SIL1: variants seen among roughly 807,000 people sequenced by gnomAD.
SIL1 encodes SIL1 nucleotide exchange factor, also known as nucleotide exchange factor SIL1.
Under a neutral mutation model 49.1 loss-of-function variants are expected in SIL1, and 40 were observed. The ratio of observed to expected loss-of-function variants is 0.81; its 90% confidence interval spans 0.63 to 1.06. The LOEUF is 1.06. SIL1 is among the 50% of genes least tolerant of loss of function. The pLI is 0.00. For synonymous variants in SIL1, 253 were observed against 250.8 expected, an observed-to-expected ratio of 1.01 and a Z score of -0.08; for missense variants, 500 against 572.6, an observed-to-expected ratio of 0.87 and a Z score of 1.29.
intron 1 of SIL1, 186 bp from the exon 2 acceptor site, chr5:139,128,039 A>G: frequency 4.8e-6 from 3 of 625,154 alleles, no homozygotes; most frequent in South Asian, 4.5e-5. Context: ...CAGCCATCCA[A>G]CAAGAGATAT....
intron 7 of SIL1, among the ~76,000 whole-genome samples, chr5:138,975,676 T>G (rs544712284): frequency 9.5e-4 from 144 of 152,350 alleles, no homozygotes; most frequent in African/African-American, 3.1e-3. Flanking sequence ...ATTCTAAGGC[T>G]AGGCCACAAA....
chr5:139,156,110 C>T (rs1213691256), intron 1 of SIL1, among the ~76,000 whole-genome samples: 2 of 152,074 alleles, frequency 1.3e-5, no homozygotes, highest in African/African-American at 4.8e-5. Context: ...CAGAAGATGA[C>T]TAAATAATAG....
At position 139,021,067 on chromosome 5, in the gene SIL1, G is replaced by A. The variant is rs10077896; in HGVS notation, c.767+104C>T. The A allele has an allele frequency of 0.37, 555,681 of 1,498,714 alleles. 106,004 individuals are homozygous for A. The highest frequency in any genetic ancestry group is 0.56 in the African/African-American group (41,052 of 72,750). The allele number at this position is 1,498,714 out of a possible 1,614,324, so 92.8% of individuals were successfully genotyped here. A position where few individuals can be genotyped will look rare whatever the true frequency, so the allele number is the denominator to read the frequency against. ...AATTTTACTCTAGTTTCATTGAGAT[G>A]ACACTGAAATGTCAGTAGCAACAGG... On this transcript the variant is annotated intron_variant, in intron 7 of 9. Coordinates refer to ENST00000394817, the MANE Select transcript of SIL1 (RefSeq NM_022464.5).
intron 3 of SIL1, among the ~76,000 whole-genome samples, chr5:139,060,606 G>T (rs994399503): frequency 4.6e-5 from 7 of 151,630 alleles, no homozygotes; most frequent in African/African-American, 1.7e-4. Flanking sequence ...ATCTTCCCTA[G>T]GACATTTGAG....
Position 139,026,823 on chromosome 5 carries a change from T to G in SIL1, c.623A>C (p.Asp208Ala), listed in dbSNP as rs145709743. 90 of 1,613,936 alleles carry G rather than the reference T, an allele frequency of 5.6e-5. No homozygotes were observed. The highest frequency in any genetic ancestry group is 7.4e-5 in the Non-Finnish European group (87 of 1,179,966). The change falls in exon 6 of 10, where the codon GAT becomes GCT. Residue 208 changes from aspartate (D) to alanine (A), a missense_variant. Physicochemically the swap from Asp to Ala is moderately radical, Grantham distance 126. Coordinates refer to ENST00000394817, the MANE Select transcript of SIL1 (RefSeq NM_022464.5). ...SLEEKIAALF[D>A]LEYYVHQMDN... ...TACCTGATGGACATAATATTCAAGATCAAAGAGCGCAGCAATCTTCTCTTC... is the reference window on the plus strand; with the variant it reads ...TACCTGATGGACATAATATTCAAGAGCAAAGAGCGCAGCAATCTTCTCTTC...
chr5:139,184,678 AACT>A (rs1285596157), intron 1 of SIL1, among the ~76,000 whole-genome samples: 1 of 152,186 alleles, frequency 6.6e-6, no homozygotes, highest in Non-Finnish European at 1.5e-5. Flanking sequence ...TCTCTAAAAA[AACT>A]ACAACTAAAA....
chr5:139,109,188 A>G (rs7707010), intron 3 of SIL1, among the ~76,000 whole-genome samples: 13,114 of 152,230 alleles, frequency 0.086, 1,043 homozygotes, highest in African/African-American at 0.21. Context: ...ACTCCAAAGT[A>G]TCCTCAGCTA....
chr5:138,956,432 G>A (rs1766902691), intron 7 of SIL1, among the ~76,000 whole-genome samples: 2 of 152,226 alleles, frequency 1.3e-5, no homozygotes, highest in Non-Finnish European at 2.9e-5. Flanking sequence ...AGTGGGGCTA[G>A]GTAATCAATC....
chr5:139,082,318 A>G (rs763075356), intron 3 of SIL1, among the ~76,000 whole-genome samples: 35 of 152,172 alleles, frequency 2.3e-4, no homozygotes, highest in Non-Finnish European at 4.6e-4. Context: ...CCATTGCCCA[A>G]CACTGCCTCT....
At chr5:138,960,552 C>A (rs927334112) in intron 7 of SIL1, among the ~76,000 whole-genome samples, 1 of 151,912 alleles carries the variant, frequency 6.6e-6, no homozygotes, top group African/African-American at 2.4e-5. Context: ...CAGCCTACCA[C>A]GTAGCTGGGA....
chr5:139,135,169 A>T (rs1447036127), intron 1 of SIL1, among the ~76,000 whole-genome samples: 1 of 152,194 alleles, frequency 6.6e-6, no homozygotes, highest in Non-Finnish European at 1.5e-5. Flanking sequence ...TGAACAGCAA[A>T]ACAAATGTGG....
chr5:139,014,027 A>C (rs1768342230), intron 7 of SIL1: 1 of 152,242 alleles, frequency 6.6e-6, no homozygotes, highest in South Asian at 2.1e-4. Flanking sequence ...ACCAGTTCCC[A>C]TGCTCAAGAA....
Position 138,946,824 on chromosome 5 carries a change from A to G in SIL1, c.*293T>C, listed in dbSNP as rs1014635522. 6.2e-6 allele frequency: 3 copies of G among 484,142 alleles called. No homozygotes were observed. Among genetic ancestry groups the G allele is most frequent in the Non-Finnish European group, 1.1e-5 (3 of 263,020 alleles). The allele number at this position is 484,142 out of a possible 1,614,324, so 30.0% of individuals were successfully genotyped here. On this transcript the variant is annotated 3_prime_UTR_variant, in exon 10 of 10. Coordinates refer to ENST00000394817, the MANE Select transcript of SIL1 (RefSeq NM_022464.5). ...GGTACAGAGCTGCTGCTTGGTAAGA[A>G]GCAGAGACTTGCAACTCCTGGGCCC...
chr5:139,197,281 A>C (rs961447380), intron 1 of SIL1, among the ~76,000 whole-genome samples: 8 of 151,692 alleles, frequency 5.3e-5, no homozygotes, highest in African/African-American at 7.3e-5. Flanking sequence ...AAAAAAAAAA[A>C]AAAAAAAAAA....
intron 1 of SIL1, among the ~76,000 whole-genome samples, chr5:139,130,827 T>C (rs1317315418): frequency 6.6e-6 from 1 of 152,226 alleles, no homozygotes; most frequent in East Asian, 1.9e-4. Flanking sequence ...TGCTGCAACA[T>C]GGAAGCTTGA....
chr5:139,143,452 C>T (rs1751133535), intron 1 of SIL1, among the ~76,000 whole-genome samples: 1 of 151,136 alleles, frequency 6.6e-6, no homozygotes, highest in Admixed American at 6.6e-5. Flanking sequence ...CTCACTGCAA[C>T]CTCTGCCTCC....
intron 3 of SIL1, among the ~76,000 whole-genome samples, chr5:139,090,320 T>C (rs1167614374): frequency 6.6e-6 from 1 of 152,204 alleles, no homozygotes. Flanking sequence ...TACCTGACTG[T>C]TAAGAGTTGA....
At chr5:138,962,736 G>T (rs1767048832) in intron 7 of SIL1, among the ~76,000 whole-genome samples, 2 of 152,226 alleles carry the variant, frequency 1.3e-5, no homozygotes, top group African/African-American at 4.8e-5. Flanking sequence ...AGTGGCCTTA[G>T]ATTCCCATTC....
chr5:139,133,578 C>T (rs12517847), intron 1 of SIL1: 1 of 152,202 alleles, frequency 6.6e-6, no homozygotes, highest in Non-Finnish European at 1.5e-5. Context: ...AGCAGTATTG[C>T]TGGGTCTCTG....
Sources: allele counts gnomAD v4.1 joint callset (sites outside exome capture counted in the v4.1 genomes callset), GRCh38; gene constraint gnomAD v4.1.1; transcripts MANE v1.5; gene names NCBI Gene and HGNC (gene_info 2026-07-23, HGNC 2026-07-21).